Variants in CEP192 observed in about 807,000 individuals in gnomAD.
The protein encoded by CEP192 is centrosomal protein of 192 kDa.
CEP192 carries 151 observed loss-of-function variants against 271.8 expected under a neutral mutation model. That is an observed-to-expected ratio of 0.56 (90% CI 0.49 to 0.64). The LOEUF (loss-of-function observed/expected upper bound fraction) is 0.64. Among genes scored for constraint, CEP192 ranks in the 30% least tolerant of loss-of-function variants. CEP192 has a pLI of 0.00. For missense variants in CEP192, 2,910 were observed against 3,020.5 expected (o/e 0.96, Z 0.86); for synonymous variants, 995 against 1,076.5 (o/e 0.92, Z 1.48).
chr18:13,109,956 C>A (rs2040134368), intron 40 of CEP192, among the ~76,000 whole-genome samples: 1 of 152,068 alleles, frequency 6.6e-6, no homozygotes. Context: ...GTATCAAAGA[C>A]TTCTAAAATG....
Position 13,071,217 on chromosome 18 carries a change from G to A in CEP192, c.5348+5G>A. The A allele has an allele frequency of 6.2e-7, 1 of 1,610,770 alleles. No homozygotes were observed. The highest frequency in any genetic ancestry group is 8.5e-7 in the Non-Finnish European group (1 of 1,177,664). Reference sequence around the variant, plus strand: ...AGTCCCTCTAGGTAGAACACAGTAAGTGTCAAAGACTGACAAATCGTCCAC... The same window carrying A: ...AGTCCCTCTAGGTAGAACACAGTAAATGTCAAAGACTGACAAATCGTCCAC... On this transcript the variant is annotated splice_donor_5th_base_variant and intron_variant, in intron 28 of 44. Transcript: ENST00000506447.
At chr18:13,017,114 G>A in intron 6 of CEP192, 74 bp from the exon 7 acceptor site, 1 of 1,200,528 alleles carries the variant, frequency 8.3e-7, no homozygotes, top group South Asian at 1.6e-5. Flanking sequence ...TGTCTTATCG[G>A]CCTTTTTAAT....
chr18:13,072,833 G>A lies in CEP192; in HGVS notation c.5427G>A (p.Gln1809=), dbSNP rs777335084. The change falls in exon 29 of 45, where the codon CAG becomes CAA. Residue 1809 remains glutamine, a synonymous_variant. Coordinates refer to ENST00000506447, the MANE Select transcript of CEP192 (RefSeq NM_032142.4). The part of the protein sequence containing the change: ...HLRLLIRGQD[Q]DCFQLQNTFG... ...GACTGCTTATTAGAGGACAAGATCAGGACTGCTTTCAGGTTCGTAGAGTAC... is the reference window on the plus strand; with the variant it reads ...GACTGCTTATTAGAGGACAAGATCAAGACTGCTTTCAGGTTCGTAGAGTAC... 91 of 1,610,874 alleles carry A rather than the reference G, an allele frequency of 5.6e-5. No individual in the cohort carries two copies. The East Asian group carries it at 2.0e-3, about 36-fold the overall frequency.
intron 4 of CEP192, among the ~76,000 whole-genome samples, chr18:13,011,919 T>C (rs147986460): frequency 3.3e-4 from 50 of 152,314 alleles, no homozygotes; most frequent in African/African-American, 1.2e-3. Flanking sequence ...AACTGATGAA[T>C]GGACAAAGAA....
intron 34 of CEP192, 119 bp from the exon 35 acceptor site, chr18:13,095,384 A>C (rs2039342732): frequency 2.6e-6 from 2 of 779,348 alleles, no homozygotes; most frequent in African/African-American, 3.5e-5. Context: ...ACTTTGTCTT[A>C]ATGTTTTTAG....
At chr18:13,006,713 C>G (rs556485950) in intron 3 of CEP192, among the ~76,000 whole-genome samples, 1 of 152,252 alleles carries the variant, frequency 6.6e-6, no homozygotes, top group Admixed American at 6.5e-5. Context: ...GTATGTAGCT[C>G]TTATTTCTCA....
chr18:13,083,231 A>T (rs767564006), intron 30 of CEP192, among the ~76,000 whole-genome samples: 1 of 152,164 alleles, frequency 6.6e-6, no homozygotes, highest in African/African-American at 2.4e-5. Context: ...ACTTGGTTCC[A>T]TTCTTCCTGT....
chr18:13,005,535 G>C (rs1380458551), intron 3 of CEP192, among the ~76,000 whole-genome samples: 6 of 152,230 alleles, frequency 3.9e-5, no homozygotes. Context: ...CTGGAGGCCA[G>C]GAGCTCTGGA....
chr18:13,107,845 T>A (rs2144991405), intron 40 of CEP192, among the ~76,000 whole-genome samples: 2 of 138,088 alleles, frequency 1.4e-5, no homozygotes, highest in South Asian at 2.2e-4. Flanking sequence ...TTTCAACTCA[T>A]AATGAGTTAA....
In CEP192 at chr18:13,015,070, C is replaced by T. The variant is rs554950093; in HGVS notation, c.520-258C>T. ...TGTACTTACTATATTACGAGCCTCT[C>T]TGAGCATGTGCACAGTTTGAGGGAA... is the stretch of plus-strand genomic sequence containing the variant. On this transcript the variant is annotated intron_variant, in intron 5 of 44. Transcript: ENST00000506447. 7.2e-5 allele frequency among the ~76,000 whole-genome samples: 11 copies of T among 152,296 alleles called. 1 individual carries two copies. Among genetic ancestry groups the T allele is most frequent in the Admixed American group, 6.5e-4 (10 of 15,296 alleles).
At chr18:13,050,568 T>G (rs77942865) in intron 17 of CEP192, among the ~76,000 whole-genome samples, 6,970 of 151,846 alleles carry the variant, frequency 0.046, 174 homozygotes, top group Middle Eastern at 0.11. Context: ...TATTTAATAG[T>G]TAATTGCTTT....
rs750461886 is a variant in CEP192 at position 13,056,713 on chromosome 18, C to T, written c.4108+15C>T. The T allele has an allele frequency of 6.5e-7, 1 of 1,546,530 alleles. No homozygotes were observed. The highest frequency in any genetic ancestry group is 1.2e-5 in the South Asian group (1 of 80,138). ...ATCAGGATTGGGTAAGATGCTTTTT[C>T]TCTATTATTATTACTTGCTATTATT... On this transcript the variant is annotated intron_variant, in intron 19 of 44. Coordinates refer to ENST00000506447, the MANE Select transcript of CEP192 (RefSeq NM_032142.4).
At chr18:13,017,529 A>G (rs2034725170) in intron 7 of CEP192, among the ~76,000 whole-genome samples, 193 bp downstream of exon 7, 1 of 148,596 alleles carries the variant, frequency 6.7e-6, no homozygotes, top group African/African-American at 2.5e-5. Flanking sequence ...CCTACAGAAA[A>G]TTAAAGGAGT....
At chr18:13,068,324 T>C in intron 23 of CEP192, 35 bp from the exon 24 acceptor site, 1 of 1,604,400 alleles carries the variant, frequency 6.2e-7, no homozygotes, top group Non-Finnish European at 8.5e-7. Flanking sequence ...TAATACCAGT[T>C]TACATTAAGA....
intron 11 of CEP192, 144 bp from the exon 12 acceptor site, chr18:13,037,093 C>A: frequency 1.8e-6 from 1 of 543,210 alleles, no homozygotes; most frequent in Admixed American, 3.8e-5. Context: ...GCATTTAATA[C>A]AGATGCATGA....
Position 13,042,191 on chromosome 18 carries a change from A to T in CEP192, c.1937-13A>T. ...TGTATACTTATAAGTTGAATATTAT[A>T]TATTTCCTGCAGGAGATTTAAATGA... is the stretch of plus-strand genomic sequence containing the variant. On this transcript the variant is annotated splice_polypyrimidine_tract_variant and intron_variant, in intron 14 of 44. Coordinates refer to ENST00000506447, the MANE Select transcript of CEP192 (RefSeq NM_032142.4). 1.2e-6 allele frequency: 2 copies of T among 1,606,390 alleles called. No homozygotes were observed.
intron 15 of CEP192, among the ~76,000 whole-genome samples, chr18:13,048,349 G>A (rs1013401626): frequency 6.6e-6 from 1 of 152,150 alleles, no homozygotes; most frequent in Non-Finnish European, 1.5e-5. Context: ...TTGGTGATCA[G>A]ATCGACTCTA....
Position 13,056,120 on chromosome 18 carries a change from G to C in CEP192, c.3530G>C (p.Cys1177Ser), listed in dbSNP as rs777043821. ...CTCCTGGGCAAGTCAGGTCTGAGCT[G>C]TCAGGTGGGGTCAGCCACATCACAC... ...LALLGKSGLSCQVGSATSHPV... is the reference protein window; with the variant it reads ...LALLGKSGLSSQVGSATSHPV... The change falls in exon 19 of 45, where the codon TGT (cysteine) becomes TCT (serine). Residue 1177 changes from cysteine to serine, a missense_variant. Coordinates refer to ENST00000506447, the MANE Select transcript of CEP192 (RefSeq NM_032142.4). The C allele has an allele frequency of 2.5e-6, 4 of 1,612,808 alleles. No individual in the cohort carries two copies. In the African/African-American group the frequency reaches 5.3e-5, roughly 22 times the overall value.
chr18:13,015,192 T>C (rs1022291816), intron 5 of CEP192, 136 bp from the exon 6 acceptor site: 2 of 792,934 alleles, frequency 2.5e-6, no homozygotes, highest in African/African-American at 1.8e-5. Flanking sequence ...TGCTAGCCCT[T>C]TATTGCCTAA....
Sources: allele counts gnomAD v4.1 joint callset (sites outside exome capture counted in the v4.1 genomes callset), GRCh38; gene constraint gnomAD v4.1.1; transcripts MANE v1.5; gene names NCBI Gene and HGNC (gene_info 2026-07-23, HGNC 2026-07-21).